Variants in WWTR1 observed in about 807,000 individuals in gnomAD.
WWTR1 encodes the protein WW domain-containing transcription regulator protein 1.
WWTR1 carries 13 observed loss-of-function variants against 40.1 expected under a neutral mutation model. The observed-to-expected ratio is 0.32, with a 90% CI of 0.21 to 0.52. WWTR1 has a LOEUF of 0.52. WWTR1 is among the 20% of genes least tolerant of loss of function. The pLI is 0.97. For missense variants in WWTR1, 436 were observed against 523.1 expected (o/e 0.83, Z 1.63); for synonymous variants, 230 against 210.1 (o/e 1.09, Z -0.82).
chr3:149,698,871 G>A (rs1715079782), intron 1 of WWTR1, among the ~76,000 whole-genome samples: 1 of 152,188 alleles, frequency 6.6e-6, no homozygotes. Flanking sequence ...GTGTTCCTGA[G>A]GTTCCACAGA....
chr3:149,612,626 G>A lies in WWTR1; in HGVS notation c.432-39626C>T, dbSNP rs1209485118. 2.6e-5 allele frequency among the ~76,000 whole-genome samples: 4 copies of A among 152,176 alleles called. No individual in the cohort carries two copies. In the South Asian group the frequency reaches 6.2e-4, roughly 24 times the overall value. On this transcript the variant is annotated intron_variant, in intron 2 of 6. Coordinates refer to ENST00000360632, the MANE Select transcript of WWTR1 (RefSeq NM_015472.6). ...AGACTCTAACATCTTGGGTCACTGA[G>A]TACTTCCTATGCAGGAGGATATGAG...
At position 149,520,641 on chromosome 3, in the gene WWTR1, C is replaced by T. The variant is rs1734998150; in HGVS notation, c.*164G>A. On this transcript the variant is annotated 3_prime_UTR_variant, in exon 7 of 7. Coordinates refer to ENST00000360632, the MANE Select transcript of WWTR1 (RefSeq NM_015472.6). ...ATTTATGTTTAACTTAAGTTACTCT[C>T]AATCAAAACCAGGCAATGATTAAAC... 1.9e-6 allele frequency: 1 copy of T among 536,114 alleles called. No individual in the cohort carries two copies. Among genetic ancestry groups the T allele is most frequent in the African/African-American group, 2.0e-5 (1 of 50,858 alleles). 33.2% of individuals were successfully genotyped at this position (536,114 alleles called of 1,614,324 possible).
At chr3:149,582,432 A>T (rs906995190) in intron 2 of WWTR1, among the ~76,000 whole-genome samples, 11 of 152,078 alleles carry the variant, frequency 7.2e-5, no homozygotes, top group Non-Finnish European at 1.3e-4. Flanking sequence ...TAATGCTATT[A>T]AAAAATGTAT....
intron 2 of WWTR1, among the ~76,000 whole-genome samples, chr3:149,642,315 G>A (rs772492345): frequency 6.6e-5 from 10 of 151,990 alleles, no homozygotes; most frequent in African/African-American, 7.3e-5. Context: ...AGCTAACTGG[G>A]AGGCTGAGGC....
At chr3:149,603,554 C>CG (rs1739348460) in intron 2 of WWTR1, among the ~76,000 whole-genome samples, 5 of 146,502 alleles carry the variant, frequency 3.4e-5, no homozygotes, top group African/African-American at 1.0e-4. Context: ...TTCCCCACCC[C>CG]CCCCTTGTAC....
intron 5 of WWTR1, among the ~76,000 whole-genome samples, chr3:149,712,439 T>C (rs1468148572): frequency 1.3e-5 from 2 of 152,360 alleles, no homozygotes; most frequent in South Asian, 4.1e-4. Context: ...GGCTCTCTCA[T>C]GATCAGCCTA....
At chr3:149,651,100 C>G (rs1357374674) in intron 2 of WWTR1, among the ~76,000 whole-genome samples, 1 of 152,198 alleles carries the variant, frequency 6.6e-6, no homozygotes, top group Non-Finnish European at 1.5e-5. Flanking sequence ...ACTCTCTTCA[C>G]ATTACAGACA....
At chr3:149,671,829 G>A (rs1714098021) in intron 1 of WWTR1, among the ~76,000 whole-genome samples, 1 of 151,890 alleles carries the variant, frequency 6.6e-6, no homozygotes, top group African/African-American at 2.4e-5. Flanking sequence ...ATACTTCTCT[G>A]CATTAAAAAT....
At chr3:149,574,822 C>T (rs906493097) in intron 2 of WWTR1, among the ~76,000 whole-genome samples, 5 of 150,022 alleles carry the variant, frequency 3.3e-5, no homozygotes, top group Admixed American at 6.6e-5. Context: ...AGGCCGGGGG[C>T]GGTGGCTCAC....
chr3:149,522,660 G>C (rs138163225), intron 6 of WWTR1, among the ~76,000 whole-genome samples: 25 of 152,142 alleles, frequency 1.6e-4, no homozygotes, highest in African/African-American at 5.8e-4. Flanking sequence ...TCTCCAGTTA[G>C]AATCATTCAT....
At chr3:149,643,438 C>T (rs1712304908) in intron 2 of WWTR1, among the ~76,000 whole-genome samples, 1 of 152,152 alleles carries the variant, frequency 6.6e-6, no homozygotes, top group African/African-American at 2.4e-5. Context: ...TTCCTCACAG[C>T]AAGTAATGAT....
At chr3:149,667,192 A>C (rs565238017) in intron 2 of WWTR1, among the ~76,000 whole-genome samples, 1 of 152,330 alleles carries the variant, frequency 6.6e-6, no homozygotes, top group African/African-American at 2.4e-5. Flanking sequence ...TTGTATTCCT[A>C]AAATTATTTT....
At chr3:149,680,658 A>C (rs1293861024) in intron 1 of WWTR1, among the ~76,000 whole-genome samples, 3 of 146,412 alleles carry the variant, frequency 2.0e-5, no homozygotes, top group Non-Finnish European at 4.5e-5. Context: ...ACATAGAGAG[A>C]CACCATTTCT....
At chr3:149,650,182 G>C (rs1465698386) in intron 2 of WWTR1, 1 of 152,106 alleles carries the variant, frequency 6.6e-6, no homozygotes, top group Non-Finnish European at 1.5e-5. Context: ...GCATAACCCA[G>C]ACTCAGTTCA....
chr3:149,724,189 A>T (rs536572001), exon 4 of WWTR1: 1 of 152,300 alleles, frequency 6.6e-6, no homozygotes, highest in Non-Finnish European at 1.5e-5. Context: ...TATTTTCAAA[A>T]ACTTTTTATA....
chr3:149,619,735 C>T (rs1740180544), intron 2 of WWTR1, among the ~76,000 whole-genome samples: 1 of 152,188 alleles, frequency 6.6e-6, no homozygotes, highest in Non-Finnish European at 1.5e-5. Flanking sequence ...AAGCCTACTA[C>T]TTTAGGTTTA....
intron 3 of WWTR1, among the ~76,000 whole-genome samples, chr3:149,549,744 C>A (rs1736532524): frequency 6.6e-6 from 1 of 152,014 alleles, no homozygotes; most frequent in South Asian, 2.1e-4. Context: ...GAGGCTGGGG[C>A]AGGAGGATCA....
At chr3:149,694,628 T>C (rs1301604261) in intron 1 of WWTR1, among the ~76,000 whole-genome samples, 1 of 152,178 alleles carries the variant, frequency 6.6e-6, no homozygotes, top group Non-Finnish European at 1.5e-5. Flanking sequence ...TGGGATATCA[T>C]CTGACCCCAG....
At chr3:149,604,314 C>T (rs1739390150) in intron 2 of WWTR1, among the ~76,000 whole-genome samples, 1 of 152,154 alleles carries the variant, frequency 6.6e-6, no homozygotes, top group Non-Finnish European at 1.5e-5. Context: ...CATGCACACC[C>T]CACCACATCC....
Sources: allele counts gnomAD v4.1 joint callset (sites outside exome capture counted in the v4.1 genomes callset), GRCh38; gene constraint gnomAD v4.1.1; transcripts MANE v1.5; gene names NCBI Gene and HGNC (gene_info 2026-07-23, HGNC 2026-07-21).